Variants in FEM1C observed in about 807,000 individuals in gnomAD.
The protein encoded by FEM1C is fem-1 homolog C, also known as protein fem-1 homolog C.
A neutral mutation model predicts 37.6 loss-of-function variants in FEM1C; 15 were observed. The observed-to-expected ratio is 0.40, with a 90% CI of 0.27 to 0.61. The LOEUF (loss-of-function observed/expected upper bound fraction) is 0.61. FEM1C is among the 20% of genes least tolerant of loss of function. FEM1C has a pLI of 0.42. For missense variants in FEM1C, 532 were observed against 749.7 expected, an observed-to-expected ratio of 0.71 and a Z score of 3.39; for synonymous variants, 287 against 272.8, an observed-to-expected ratio of 1.05 and a Z score of -0.51.
Position 115,523,377 on chromosome 5 carries a change from CTA to C in FEM1C, c.*929_*930del, listed in dbSNP as rs1172982070. 6.6e-6 allele frequency: 1 copy of C among 152,390 alleles called. No homozygotes were observed. The highest frequency in any genetic ancestry group is 2.4e-5 in the African/African-American group (1 of 41,396). The allele number at this position is 152,390 out of a possible 1,614,324, so 9.4% of individuals were successfully genotyped here. On this transcript the variant is annotated 3_prime_UTR_variant, in exon 3 of 3. Coordinates refer to ENST00000274457, the MANE Select transcript of FEM1C (RefSeq NM_020177.3). ...TTAAATTTAAGCAAATTCTCTACAC[CTA>C]ATCACACCATCAGCACAAGCAGGAC...
chr5:115,541,950 CTT>C (rs1212443452), intron 2 of FEM1C, among the ~76,000 whole-genome samples: 5 of 152,040 alleles, frequency 3.3e-5, no homozygotes, highest in African/African-American at 1.2e-4. Context: ...AGGAATAAGA[CTT>C]TTTATTCAAA....
At chr5:115,529,800 A>C (rs968068019) in intron 2 of FEM1C, among the ~76,000 whole-genome samples, 2 of 152,042 alleles carry the variant, frequency 1.3e-5, no homozygotes, top group Admixed American at 6.5e-5. Flanking sequence ...TTAGCCTTTG[A>C]TAAGTCAAAG....
chr5:115,528,542 G>T (rs544201964), intron 2 of FEM1C, among the ~76,000 whole-genome samples: 2 of 152,014 alleles, frequency 1.3e-5, no homozygotes, highest in African/African-American at 4.8e-5. Flanking sequence ...AACTTAAATC[G>T]AATTTAAGAT....
At position 115,522,670 on chromosome 5, in the gene FEM1C, C is replaced by A. The variant is rs1181226400; in HGVS notation, c.*1638G>T. 1 of 152,224 alleles carries A rather than the reference C, an allele frequency of 6.6e-6. No individual in the cohort carries two copies. The highest frequency in any genetic ancestry group is 1.9e-4 in the East Asian group (1 of 5,192). 9.4% of individuals were successfully genotyped at this position (152,224 alleles called of 1,614,324 possible). On this transcript the variant is annotated 3_prime_UTR_variant, in exon 3 of 3. Transcript: ENST00000274457. ...ACTCCTTAAATAGTGTAACATCAAC[C>A]CTCAGAATAAAATGTCAACACAAAA...
At chr5:115,527,728 C>A (rs751365424) in intron 2 of FEM1C, among the ~76,000 whole-genome samples, 7 of 151,958 alleles carry the variant, frequency 4.6e-5, no homozygotes, top group Non-Finnish European at 7.4e-5. Flanking sequence ...GCTGGCCAGG[C>A]GCGGTAGCTC....
intron 2 of FEM1C, among the ~76,000 whole-genome samples, chr5:115,538,105 A>G (rs1056582180): frequency 6.6e-6 from 1 of 152,072 alleles, no homozygotes; most frequent in African/African-American, 2.4e-5. Flanking sequence ...AGGAAAGTAG[A>G]AACTTTTTTT....
intron 2 of FEM1C, among the ~76,000 whole-genome samples, chr5:115,532,500 T>C (rs539488501): frequency 4.0e-5 from 6 of 151,560 alleles, no homozygotes; most frequent in African/African-American, 9.7e-5. Flanking sequence ...TTTTTAATTA[T>C]AGCCTAGAGC....
At position 115,521,049 on chromosome 5, in the gene FEM1C, G is replaced by A. The variant is rs562777532; in HGVS notation, c.*3259C>T. 7 of 137,694 alleles carry A rather than the reference G, an allele frequency of 5.1e-5. No individual in the cohort carries two copies. The highest frequency in any genetic ancestry group is 3.8e-3 in the Middle Eastern group (1 of 262). 8.5% of individuals were successfully genotyped at this position (137,694 alleles called of 1,614,324 possible). ...ACAATGGGAACTGACAAAAGGGAGA[G>A]AAACTAGTTGTTTAGTGACACATAA... On this transcript the variant is annotated 3_prime_UTR_variant, in exon 3 of 3. Coordinates refer to ENST00000274457, the MANE Select transcript of FEM1C (RefSeq NM_020177.3).
intron 2 of FEM1C, among the ~76,000 whole-genome samples, chr5:115,529,381 AATG>A (rs1753971006): frequency 6.6e-6 from 1 of 152,144 alleles, no homozygotes; most frequent in Non-Finnish European, 1.5e-5. Context: ...GGAGACAGTA[AATG>A]ATATTTAAAA....
chr5:115,539,656 T>G (rs903368079), intron 2 of FEM1C, among the ~76,000 whole-genome samples: 3 of 152,242 alleles, frequency 2.0e-5, no homozygotes, highest in Non-Finnish European at 4.4e-5. Context: ...GTACTACTGT[T>G]GCACTTACCA....
At chr5:115,539,422 A>G (rs957338130) in intron 2 of FEM1C, among the ~76,000 whole-genome samples, 1 of 152,066 alleles carries the variant, frequency 6.6e-6, no homozygotes, top group South Asian at 2.1e-4. Context: ...TAGCTCTGAG[A>G]AGGACTCACC....
chr5:115,535,456 CAG>C (rs1020080339), intron 2 of FEM1C, among the ~76,000 whole-genome samples: 5 of 151,698 alleles, frequency 3.3e-5, no homozygotes, highest in African/African-American at 1.2e-4. Context: ...AAAATAGAGA[CAG>C]AGAGAGCCAA....
chr5:115,524,309 C>A lies in FEM1C; in HGVS notation c.1853G>T (p.Ter618LeuextTer1). The A allele has an allele frequency of 6.2e-7, 1 of 1,612,150 alleles. No homozygotes were observed. Among genetic ancestry groups the A allele is most frequent in the South Asian group, 1.1e-5 (1 of 90,976 alleles). ...KLETFVSLHR[*>L] ...CAGTGCTAAAATACAGTCAAGTTATCATCTATGAAGGGAAACAAAAGTCTC... is the reference window on the plus strand; with the variant it reads ...CAGTGCTAAAATACAGTCAAGTTATAATCTATGAAGGGAAACAAAAGTCTC... The change falls in exon 3 of 3, where the codon TGA (stop) becomes TTA (leucine). Residue 618 changes from the stop codon to leucine (L), a stop_lost. Coordinates refer to ENST00000274457, the MANE Select transcript of FEM1C (RefSeq NM_020177.3).
intron 1 of FEM1C, chr5:115,544,215 G>GC (rs770761053): frequency 3.0e-4 from 294 of 979,558 alleles, no homozygotes; most frequent in Admixed American, 2.6e-3. Context: ...CAGGAAATCC[G>GC]CCTGCCTTTT....
intron 2 of FEM1C, among the ~76,000 whole-genome samples, chr5:115,542,025 C>T (rs1050314805): frequency 4.6e-5 from 7 of 151,994 alleles, no homozygotes; most frequent in African/African-American, 1.4e-4. Flanking sequence ...CTATATGCTA[C>T]TTTTAAATTT....
chr5:115,525,498 T>C lies in FEM1C; in HGVS notation c.664A>G (p.Ser222Gly). ...ACAATATTTGTGTGACCAGTCACACTTGCTGAGAGAAGGGGAGTCATTCCA... is the reference window on the plus strand; with the variant it reads ...ACAATATTTGTGTGACCAGTCACACCTGCTGAGAGAAGGGGAGTCATTCCA... The part of the protein sequence containing the change: ...GYGMTPLLSA[S>G]VTGHTNIVDF... The change falls in exon 3 of 3, where the codon AGT (serine) becomes GGT (glycine). Residue 222 changes from serine (S) to glycine (G), a missense_variant. This residue lies in a region of FEM1C where 221 missense variants were observed against 404.1 expected (regional missense o/e 0.55). Transcript: ENST00000274457. 2 of 1,613,726 alleles carry C rather than the reference T, an allele frequency of 1.2e-6. No homozygotes were observed. Among genetic ancestry groups the C allele is most frequent in the Non-Finnish European group, 1.7e-6 (2 of 1,179,782 alleles).
intron 2 of FEM1C, among the ~76,000 whole-genome samples, chr5:115,532,273 T>C (rs1754032493): frequency 6.6e-6 from 1 of 152,122 alleles, no homozygotes; most frequent in Non-Finnish European, 1.5e-5. Flanking sequence ...ACAGATCCTA[T>C]ATTTCTTATA....
chr5:115,530,795 C>G (rs74395157), intron 2 of FEM1C, among the ~76,000 whole-genome samples: 62 of 151,938 alleles, frequency 4.1e-4, no homozygotes, highest in African/African-American at 1.4e-3. Flanking sequence ...CAATGAAAAT[C>G]AGAAAATTTT....
chr5:115,531,744 AT>A (rs1754019241), intron 2 of FEM1C, among the ~76,000 whole-genome samples: 2 of 152,198 alleles, frequency 1.3e-5, no homozygotes, highest in African/African-American at 4.8e-5. Context: ...GTCATAAAAT[AT>A]TTTTCATTTG....
Sources: allele counts gnomAD v4.1 joint callset (sites outside exome capture counted in the v4.1 genomes callset), GRCh38; gene constraint gnomAD v4.1.1; regional missense constraint gnomAD v4.1.1; transcripts MANE v1.5; gene names NCBI Gene and HGNC (gene_info 2026-07-23, HGNC 2026-07-21).